LRCH4: variants seen among roughly 807,000 people sequenced by gnomAD.
The protein encoded by LRCH4 is leucine-rich repeat and calponin homology domain-containing protein 4.
In LRCH4, 56 loss-of-function variants were observed where a neutral mutation model predicts 81.2. The ratio of observed to expected loss-of-function variants is 0.69; its 90% CI spans 0.56 to 0.86. The LOEUF (loss-of-function observed/expected upper bound fraction) is 0.86, where lower values mean the gene tolerates loss of function less well. Among genes scored for constraint, LRCH4 ranks in the 40% least tolerant of loss-of-function variants. The probability of loss-of-function intolerance (pLI) is 0.00; values close to 1 mark genes in which losing one functional copy is unlikely to be tolerated. For synonymous variants in LRCH4, 442 were observed against 409.7 expected (o/e 1.08, Z -0.95); for missense variants, 895 against 922.8 (o/e 0.97, Z 0.39).
At position 100,575,148 on chromosome 7, in the gene LRCH4, G is replaced by A; in HGVS notation, c.2011C>T (p.Leu671=). The part of the protein sequence containing the change: ...GFVVFYVVLM[L]LLYVTYTRLL... Reference sequence around the variant, plus strand: ...CGAGTGTAGGTGACATAGAGCAGCAGCATGAGGACCACGTAGAAGACGACG... The same window carrying A: ...CGAGTGTAGGTGACATAGAGCAGCAACATGAGGACCACGTAGAAGACGACG... Residue 671 remains leucine, a synonymous_variant, in exon 18 of 18, where the codon CTG becomes TTG. Transcript: ENST00000310300. The surrounding 1 kb of genome is among the most constrained non-coding windows in gnomAD (Gnocchi z 5.3). The A allele has an allele frequency of 6.2e-7, 1 of 1,613,422 alleles. No homozygotes were observed. The highest frequency in any genetic ancestry group is 8.5e-7 in the Non-Finnish European group (1 of 1,179,704).
chr7:100,583,004 G>A lies in LRCH4; in HGVS notation c.221-545C>T, dbSNP rs568366186. 1.0e-3 allele frequency among the ~76,000 whole-genome samples: 157 copies of A among 152,256 alleles called. 4 individuals carry two copies. Among genetic ancestry groups the A allele is most frequent in the South Asian group, 9.7e-3 (47 of 4,828 alleles). On this transcript the variant is annotated intron_variant, in intron 1 of 17. Transcript: ENST00000310300. This position sits in a 1 kb window ranked among gnomAD's most constrained non-coding sequence, Gnocchi z 4.3. ...TCTTGGTTCTAGAGATAAAGTCCCC[G>A]ACACCGGACGAGTTTTTCGCCAGCC...
chr7:100,575,946 C>A lies in LRCH4; in HGVS notation c.1701G>T (p.Gly567=). 1 of 1,610,718 alleles carries A rather than the reference C, an allele frequency of 6.2e-7. No homozygotes were observed. Residue 567 remains glycine, a synonymous_variant, in exon 16 of 18, where the codon GGG becomes GGT. Transcript: ENST00000310300. This position sits in a 1 kb window ranked among gnomAD's most constrained non-coding sequence, Gnocchi z 5.3. ...PEDLAEALAS[G]VILCQLANQL... The stretch of plus-strand genomic sequence containing the variant: ...GGTTGGCCAGCTGGCACAGGATGAC[C>A]CCACTGGCCAGAGCCTCGGCCAGGT...
At position 100,577,480 on chromosome 7, in the gene LRCH4, T is replaced by C. The variant is rs1211287589; in HGVS notation, c.1178+17A>G. The C allele has an allele frequency of 1.9e-6, 3 of 1,606,966 alleles. No individual in the cohort carries two copies. In the African/African-American group the frequency reaches 4.0e-5, roughly 21 times the overall value. The stretch of plus-strand genomic sequence containing the variant: ...GGGAGGATCGGGCAGTGGCGTCAGT[T>C]TGGGGGCTTGGGGTACCTGCTGCTT... On this transcript the variant is annotated intron_variant, in intron 10 of 17. Transcript: ENST00000310300. This position sits in a 1 kb window ranked among gnomAD's most constrained non-coding sequence, Gnocchi z 6.7.
chr7:100,578,944 T>C lies in LRCH4; in HGVS notation c.599-158A>G, dbSNP rs955349382. On this transcript the variant is annotated intron_variant, in intron 4 of 17. Coordinates refer to ENST00000310300, the MANE Select transcript of LRCH4 (RefSeq NM_002319.5). This position sits in a 1 kb window ranked among gnomAD's most constrained non-coding sequence, Gnocchi z 5.7. Reference sequence around the variant, plus strand: ...CATTCCCCGGGAGAAACCTCCCTGCTCCTCTCTCCACATGATTCTGGTCCA... The same window carrying C: ...CATTCCCCGGGAGAAACCTCCCTGCCCCTCTCTCCACATGATTCTGGTCCA... The C allele has an allele frequency of 7.2e-6, 5 of 692,166 alleles. No homozygotes were observed. In the African/African-American group the frequency reaches 7.3e-5, roughly 10 times the overall value. 42.9% of individuals were successfully genotyped at this position (692,166 alleles called of 1,614,324 possible).
In LRCH4 at chr7:100,575,030, C is replaced by A. The variant is rs912597539; in HGVS notation, c.*77G>T. ...TCTTTGGTTGGGGCTGAAGGCACCGCAGGTGGGGTCGGGTGGAGCAGGGAC... is the reference window on the plus strand; with the variant it reads ...TCTTTGGTTGGGGCTGAAGGCACCGAAGGTGGGGTCGGGTGGAGCAGGGAC... On this transcript the variant is annotated 3_prime_UTR_variant, in exon 18 of 18. Transcript: ENST00000310300. This position sits in a 1 kb window ranked among gnomAD's most constrained non-coding sequence, Gnocchi z 5.3. 5.0e-6 allele frequency: 7 copies of A among 1,390,384 alleles called. No individual in the cohort carries two copies. The highest frequency in any genetic ancestry group is 5.9e-6 in the Non-Finnish European group (6 of 1,023,068). The allele number at this position is 1,390,384 out of a possible 1,614,324, so 86.1% of individuals were successfully genotyped here. A position where few individuals can be genotyped will look rare whatever the true frequency, so the allele number is the denominator to read the frequency against.
intron 15 of LRCH4, 27 bp downstream of exon 15, chr7:100,576,211 G>T (rs1317899832): frequency 6.2e-7 from 1 of 1,608,798 alleles, no homozygotes; most frequent in Non-Finnish European, 8.5e-7. Context: ...CCAGGCCCCT[G>T]CCCACGCAGC....
chr7:100,575,561 G>A lies in LRCH4; in HGVS notation c.1854+144C>T, dbSNP rs747606763. On this transcript the variant is annotated intron_variant, in intron 17 of 17. Coordinates refer to ENST00000310300, the MANE Select transcript of LRCH4 (RefSeq NM_002319.5). The surrounding 1 kb of genome is among the most constrained non-coding windows in gnomAD (Gnocchi z 5.3). Reference sequence around the variant, plus strand: ...GACATGCAGGGCAGGGGGCATGCAGGGCAGGGGGCATGCTGGGCAGGGCAG... The same window carrying A: ...GACATGCAGGGCAGGGGGCATGCAGAGCAGGGGGCATGCTGGGCAGGGCAG... The A allele has an allele frequency of 4.8e-6, 5 of 1,031,060 alleles. No homozygotes were observed. The East Asian group carries it at 9.5e-5, about 20-fold the overall frequency. 63.9% of individuals were successfully genotyped at this position (1,031,060 alleles called of 1,614,324 possible). A position where few individuals can be genotyped will look rare whatever the true frequency, so the allele number is the denominator to read the frequency against.
In LRCH4 at chr7:100,574,618, A is replaced by ACG. The variant is rs144874653; in HGVS notation, c.*487_*488dup. 4,440 of 152,634 alleles carry ACG rather than the reference A, an allele frequency of 0.029. 78 individuals carry two copies. The highest frequency in any genetic ancestry group is 0.043 in the Non-Finnish European group (2,960 of 68,888). The allele number at this position is 152,634 out of a possible 1,614,324, so 9.5% of individuals were successfully genotyped here. A position where few individuals can be genotyped will look rare whatever the true frequency, so the allele number is the denominator to read the frequency against. On this transcript the variant is annotated 3_prime_UTR_variant, in exon 18 of 18. Transcript: ENST00000310300. ...CCACAGCCACCAACACGCGGAGCAG[A>ACG]CGCGCGCGCGCGCGCACACACACAC...
intron 1 of LRCH4, chr7:100,584,805 G>A: frequency 2.2e-6 from 1 of 456,582 alleles, no homozygotes; most frequent in Non-Finnish European, 4.4e-6. Flanking sequence ...CACCTGCTTA[G>A]GGAGAAGTAA....
chr7:100,576,839 CCT>C (rs2131163233), intron 13 of LRCH4, 61 bp downstream of exon 13: 1 of 1,535,846 alleles, frequency 6.5e-7, no homozygotes, highest in South Asian at 1.2e-5. Context: ...CCTCTGTGTC[CCT>C]CTCTCCCAAC....
rs769364186 is a variant in LRCH4 at position 100,577,378 on chromosome 7, G to A, written c.1190C>T (p.Pro397Leu). The change falls in exon 11 of 18, where the codon CCG (proline) becomes CTG (leucine). Residue 397 changes from proline (P) to leucine (L), a missense_variant. Around this residue, in one of 3 missense-constraint regions of LRCH4, gnomAD observed 529 missense variants for 504.9 expected, o/e 1.05. Coordinates refer to ENST00000310300, the MANE Select transcript of LRCH4 (RefSeq NM_002319.5). The surrounding 1 kb of genome is among the most constrained non-coding windows in gnomAD (Gnocchi z 6.7). ...ERAPSSRREE[P>L]AGEERRRPDT... ...CGGGCGCCGCCGCTCCTCCCCTGCC[G>A]GCTCCTCCCGCCTGAGGGACCAAGA... is the stretch of plus-strand genomic sequence containing the variant. 60 of 1,599,682 alleles carry A rather than the reference G, an allele frequency of 3.8e-5. No individual in the cohort carries two copies. Among genetic ancestry groups the A allele is most frequent in the African/African-American group, 1.2e-4 (9 of 74,892 alleles).
Position 100,578,973 on chromosome 7 carries a change from T to A in LRCH4, c.599-187A>T. On this transcript the variant is annotated intron_variant, in intron 4 of 17. Transcript: ENST00000310300. This position sits in a 1 kb window ranked among gnomAD's most constrained non-coding sequence, Gnocchi z 5.7. Reference sequence around the variant, plus strand: ...CTCTCCACATGATTCTGGTCCACGGTCTAAGCGAGCCTCCCTGAGAGGGCC... The same window carrying A: ...CTCTCCACATGATTCTGGTCCACGGACTAAGCGAGCCTCCCTGAGAGGGCC... 1.6e-6 allele frequency: 1 copy of A among 624,830 alleles called. No homozygotes were observed. The highest frequency in any genetic ancestry group is 2.7e-6 in the Non-Finnish European group (1 of 365,646). 38.7% of individuals were successfully genotyped at this position (624,830 alleles called of 1,614,324 possible).
intron 14 of LRCH4, 28 bp downstream of exon 14, chr7:100,576,666 T>C: frequency 6.4e-7 from 1 of 1,558,844 alleles, no homozygotes; most frequent in Non-Finnish European, 8.7e-7. Context: ...AAGCACTGGG[T>C]CAGCACTGGG....
In LRCH4 at chr7:100,583,926, G is replaced by T; in HGVS notation, c.221-1467C>A. ...CTAGGAGCGGAAGGGAGCTCAGGCA[G>T]GAGGCAGGGCACTGGGGGCACAGGA... is the stretch of plus-strand genomic sequence containing the variant. On this transcript the variant is annotated intron_variant, in intron 1 of 17. Coordinates refer to ENST00000310300, the MANE Select transcript of LRCH4 (RefSeq NM_002319.5). The surrounding 1 kb of genome is among the most constrained non-coding windows in gnomAD (Gnocchi z 4.3). 1 of 311,012 alleles carries T rather than the reference G, an allele frequency of 3.2e-6. No homozygotes were observed. Among genetic ancestry groups the T allele is most frequent in the Non-Finnish European group, 6.5e-6 (1 of 153,150 alleles). 19.3% of individuals were successfully genotyped at this position (311,012 alleles called of 1,614,324 possible). A position where few individuals can be genotyped will look rare whatever the true frequency, so the allele number is the denominator to read the frequency against.
intron 4 of LRCH4, among the ~76,000 whole-genome samples, chr7:100,581,280 C>G (rs533004598): frequency 1.3e-5 from 2 of 152,208 alleles, no homozygotes; most frequent in Non-Finnish European, 2.9e-5. Flanking sequence ...AGATCGTTTA[C>G]AGTTTGTTTT....
Position 100,582,175 on chromosome 7 carries a change from AG to A in LRCH4, c.366-9del. ...AGCGACAGCTGGTTTCGGCTGTGGAAGGGAGAAAGGCAGCGGACTGGCTCCC... is the reference window on the plus strand; with the variant it reads ...AGCGACAGCTGGTTTCGGCTGTGGAAGGAGAAAGGCAGCGGACTGGCTCCC... On this transcript the variant is annotated splice_polypyrimidine_tract_variant and intron_variant, in intron 2 of 17. Coordinates refer to ENST00000310300, the MANE Select transcript of LRCH4 (RefSeq NM_002319.5). This position sits in a 1 kb window ranked among gnomAD's most constrained non-coding sequence, Gnocchi z 5.0. The A allele has an allele frequency of 6.2e-7, 1 of 1,613,526 alleles. No individual in the cohort carries two copies. Among genetic ancestry groups the A allele is most frequent in the Non-Finnish European group, 8.5e-7 (1 of 1,179,896 alleles).
In LRCH4 at chr7:100,575,164, G is replaced by A. The variant is rs746084308; in HGVS notation, c.1995C>T (p.Phe665=). 3 of 1,613,488 alleles carry A rather than the reference G, an allele frequency of 1.9e-6. No homozygotes were observed. Among genetic ancestry groups the A allele is most frequent in the South Asian group, 2.2e-5 (2 of 90,970 alleles). Residue 665 remains phenylalanine, a synonymous_variant, in exon 18 of 18, where the codon TTC becomes TTT. Transcript: ENST00000310300. The surrounding 1 kb of genome is among the most constrained non-coding windows in gnomAD (Gnocchi z 5.3). ...PPSGLGGFVV[F]YVVLMLLLYV... ...AGAGCAGCAGCATGAGGACCACGTAGAAGACGACGAAGCCGCCCAGACCAG... is the reference window on the plus strand; with the variant it reads ...AGAGCAGCAGCATGAGGACCACGTAAAAGACGACGAAGCCGCCCAGACCAG...
Position 100,583,337 on chromosome 7 carries a change from C to G in LRCH4, c.221-878G>C, listed in dbSNP as rs1481540887. Among the ~76,000 whole-genome samples the G allele has an allele frequency of 6.6e-6, 1 of 152,188 alleles. No individual in the cohort carries two copies. The highest frequency in any genetic ancestry group is 1.5e-5 in the Non-Finnish European group (1 of 68,026). On this transcript the variant is annotated intron_variant, in intron 1 of 17. Transcript: ENST00000310300. This position sits in a 1 kb window ranked among gnomAD's most constrained non-coding sequence, Gnocchi z 4.3. ...ATCGCCCTCTTATCTGGAGCACTGC[C>G]TTGCTATGCGGAGGCTGGCAGCCTT... is the stretch of plus-strand genomic sequence containing the variant.
chr7:100,577,450 G>T lies in LRCH4; in HGVS notation c.1178+47C>A. 1 of 1,602,744 alleles carries T rather than the reference G, an allele frequency of 6.2e-7. No individual in the cohort carries two copies. The highest frequency in any genetic ancestry group is 8.5e-7 in the Non-Finnish European group (1 of 1,179,806). ...CGGGGTCAGGGAAGGAGGCGGTTGG[G>T]GGGTGGGAGGATCGGGCAGTGGCGT... On this transcript the variant is annotated intron_variant, in intron 10 of 17. Transcript: ENST00000310300. This position sits in a 1 kb window ranked among gnomAD's most constrained non-coding sequence, Gnocchi z 6.7.
Sources: allele counts gnomAD v4.1 joint callset (sites outside exome capture counted in the v4.1 genomes callset), GRCh38; gene constraint gnomAD v4.1.1; regional missense constraint gnomAD v4.1.1; non-coding constraint Gnocchi (gnomAD v3.1); transcripts MANE v1.5; gene names NCBI Gene and HGNC (gene_info 2026-07-23, HGNC 2026-07-21).